Variants in MATN2 observed in about 807,000 individuals in gnomAD.
MATN2 encodes matrilin-2.
A neutral mutation model predicts 103.2 loss-of-function variants in MATN2; 69 were observed. That is an observed-to-expected ratio of 0.67 (90% CI 0.55 to 0.82). MATN2 has a LOEUF of 0.82. MATN2 is among the 40% of genes least tolerant of loss of function. The pLI is 0.00. For synonymous variants in MATN2, 429 were observed against 450.2 expected (o/e 0.95, Z 0.60); for missense variants, 1,023 against 1,211.5 (o/e 0.84, Z 2.31).
At chr8:97,889,437 ATCTCTC>A (rs770695511) in intron 2 of MATN2, among the ~76,000 whole-genome samples, 1 of 113,542 alleles carries the variant, frequency 8.8e-6, no homozygotes, top group African/African-American at 3.3e-5. Context: ...GATAAACAAC[ATCTCTC>A]TCTCTCTCTC....
intron 2 of MATN2, among the ~76,000 whole-genome samples, chr8:97,915,866 C>G (rs1030758239): frequency 1.3e-5 from 2 of 150,368 alleles, no homozygotes; most frequent in South Asian, 2.1e-4. Flanking sequence ...GGTTGTGTGT[C>G]TGTGTGTGTG....
At chr8:97,935,140 C>A (rs1810329735) in intron 3 of MATN2, among the ~76,000 whole-genome samples, 1 of 151,960 alleles carries the variant, frequency 6.6e-6, no homozygotes, top group African/African-American at 2.4e-5. Context: ...TCCAGGCTGG[C>A]CTCGAACTCC....
At chr8:98,030,017 A>C (rs1160020625) in intron 14 of MATN2, among the ~76,000 whole-genome samples, 1 of 152,214 alleles carries the variant, frequency 6.6e-6, no homozygotes, top group African/African-American at 2.4e-5. Flanking sequence ...AAGCAGCTTC[A>C]CTTGGCCTCA....
chr8:97,941,662 A>G lies in MATN2; in HGVS notation c.713-115A>G, dbSNP rs188655723. The G allele has an allele frequency of 6.3e-5, 77 of 1,226,980 alleles. 2 individuals are homozygous for G. In the East Asian group the frequency reaches 1.7e-3, roughly 28 times the overall value. The allele number at this position is 1,226,980 out of a possible 1,614,324, so 76.0% of individuals were successfully genotyped here. A position where few individuals can be genotyped will look rare whatever the true frequency, so the allele number is the denominator to read the frequency against. ...CCCTTGAGGGTAGGGACTGCAGCTT[A>G]TTTCTCTGAGTCCTGCCCAGAGGAG... is the stretch of plus-strand genomic sequence containing the variant. On this transcript the variant is annotated intron_variant, in intron 3 of 18. Coordinates refer to ENST00000254898, the MANE Select transcript of MATN2 (RefSeq NM_002380.5).
intron 10 of MATN2, among the ~76,000 whole-genome samples, chr8:98,011,711 T>C (rs539890967): frequency 1.3e-5 from 2 of 152,330 alleles, no homozygotes; most frequent in Non-Finnish European, 2.9e-5. Context: ...ATGGCCACTG[T>C]GGCTTTCTCT....
At chr8:97,983,408 A>G (rs1812089825) in intron 6 of MATN2, among the ~76,000 whole-genome samples, 1 of 152,126 alleles carries the variant, frequency 6.6e-6, no homozygotes, top group Non-Finnish European at 1.5e-5. Context: ...TGCTGGTCCT[A>G]TGGTAGCAAG....
intron 4 of MATN2, 125 bp downstream of exon 4, chr8:97,942,024 C>A (rs891459857): frequency 4.8e-6 from 6 of 1,245,614 alleles, no homozygotes; most frequent in Admixed American, 2.1e-5. Flanking sequence ...CCCTTGGGGA[C>A]AGAAATAAAG....
Position 97,917,417 on chromosome 8 carries a change from G to A in MATN2, c.143-13536G>A, listed in dbSNP as rs545133438. Among the ~76,000 whole-genome samples the A allele has an allele frequency of 4.6e-5, 7 of 152,318 alleles. No homozygotes were observed. In the South Asian group the frequency reaches 6.2e-4, roughly 14 times the overall value. ...CTCAGGAAGAACTTGTCAGAATGAA[G>A]GTTGACATTCAGCCTGTATGTCGAG... On this transcript the variant is annotated intron_variant, in intron 2 of 18. Transcript: ENST00000254898.
intron 10 of MATN2, among the ~76,000 whole-genome samples, chr8:98,015,915 A>T (rs1813342715): frequency 6.6e-6 from 1 of 152,192 alleles, no homozygotes; most frequent in African/African-American, 2.4e-5. Context: ...TTGGTTACCT[A>T]AGTGTAATAT....
chr8:97,938,986 C>T lies in MATN2; in HGVS notation c.713-2791C>T, dbSNP rs1041053410. Among the ~76,000 whole-genome samples, 8 of 152,254 alleles carry T rather than the reference C, an allele frequency of 5.3e-5. No homozygotes were observed. The East Asian group carries it at 1.5e-3, about 29-fold the overall frequency. ...CCGGTTTCAAGCAATTCTCCCGCCT[C>T]AGCCTCCCGAGTAGCTGGGATTACA... On this transcript the variant is annotated intron_variant, in intron 3 of 18. Transcript: ENST00000254898.
chr8:97,911,030 C>T (rs1205377278), intron 2 of MATN2, among the ~76,000 whole-genome samples: 2 of 151,988 alleles, frequency 1.3e-5, no homozygotes, highest in East Asian at 3.9e-4. Context: ...GCTCTCTTGC[C>T]CATGCTGGAG....
intron 6 of MATN2, among the ~76,000 whole-genome samples, chr8:97,988,165 A>ATAT (rs1484789407): frequency 3.6e-5 from 2 of 56,284 alleles, no homozygotes; most frequent in South Asian, 8.0e-4. Context: ...AAAAAAAAAA[A>ATAT]AAAAAAATAT....
chr8:97,921,074 A>G (rs1002459005), intron 2 of MATN2, among the ~76,000 whole-genome samples: 1 of 152,168 alleles, frequency 6.6e-6, no homozygotes, highest in Non-Finnish European at 1.5e-5. Context: ...TTTACCAATT[A>G]CACTTCATCT....
intron 7 of MATN2, among the ~76,000 whole-genome samples, chr8:98,003,343 C>G (rs1048978334): frequency 6.6e-6 from 1 of 152,110 alleles, no homozygotes; most frequent in African/African-American, 2.4e-5. Context: ...CTTGGAAGAC[C>G]CTCTCACCCC....
At chr8:97,882,079 G>A (rs574176298) in intron 1 of MATN2, among the ~76,000 whole-genome samples, 1 of 151,608 alleles carries the variant, frequency 6.6e-6, no homozygotes, top group Non-Finnish European at 1.5e-5. Context: ...GCGCCACCAT[G>A]CCTGGCTAAT....
chr8:97,885,420 C>T (rs1480834052), intron 1 of MATN2, among the ~76,000 whole-genome samples: 1 of 151,980 alleles, frequency 6.6e-6, no homozygotes, highest in African/African-American at 2.4e-5. Context: ...TTCAAAGAGC[C>T]AGTGAGTTAT....
chr8:98,017,954 ATGTTGTTGAAAT>A, intron 11 of MATN2, 28 bp from the exon 12 acceptor site: 1 of 1,607,520 alleles, frequency 6.2e-7, no homozygotes, highest in Non-Finnish European at 8.5e-7. Context: ...TGTGAAATGT[ATGTTGTTGAAAT>A]TGTTGTAACT....
chr8:97,977,323 G>A (rs370133859), intron 5 of MATN2, among the ~76,000 whole-genome samples: 6 of 149,628 alleles, frequency 4.0e-5, no homozygotes, highest in South Asian at 2.1e-4. Flanking sequence ...TGTTTGGGTC[G>A]TAGGGACAGA....
intron 5 of MATN2, among the ~76,000 whole-genome samples, chr8:97,967,030 A>G (rs546823632): frequency 6.6e-6 from 1 of 152,260 alleles, no homozygotes; most frequent in South Asian, 2.1e-4. Flanking sequence ...CAGGCATGTC[A>G]CATGGTGAGA....
Sources: allele counts gnomAD v4.1 joint callset (sites outside exome capture counted in the v4.1 genomes callset), GRCh38; gene constraint gnomAD v4.1.1; transcripts MANE v1.5; gene names NCBI Gene and HGNC (gene_info 2026-07-23, HGNC 2026-07-21).